Variants in FAM13B observed in about 807,000 individuals in gnomAD.
FAM13B encodes protein FAM13B.
In FAM13B, 60 loss-of-function variants were observed where a neutral mutation model predicts 117.3. That is an observed-to-expected ratio of 0.51 (90% CI 0.42 to 0.63). The LOEUF is 0.63. Ranked by LOEUF, FAM13B falls within the 30% of genes least tolerant of loss-of-function variation. The pLI is 0.00. For synonymous variants in FAM13B, 332 were observed against 356.1 expected (o/e 0.93, Z 0.76); for missense variants, 972 against 1,091.9 (o/e 0.89, Z 1.55).
chr5:137,988,715 A>AC (rs1561499914), intron 7 of FAM13B, among the ~76,000 whole-genome samples: 1 of 152,242 alleles, frequency 6.6e-6, no homozygotes, highest in Non-Finnish European at 1.5e-5. Context: ...TGGGTTGGGT[A>AC]CCCCAAAGCC....
chr5:138,012,554 T>C (rs953685155), intron 4 of FAM13B, among the ~76,000 whole-genome samples: 1 of 152,260 alleles, frequency 6.6e-6, no homozygotes, highest in Non-Finnish European at 1.5e-5. Context: ...AAATTCATGT[T>C]GGTTTCTGCT....
In FAM13B at chr5:137,953,477, C is replaced by T. The variant is rs1177343705; in HGVS notation, c.1719-12G>A. ...ATGATCTTCGAATTCTGAATTAAAA[C>T]AAAAGGCCAACACTGTTAAATTTTC... On this transcript the variant is annotated splice_polypyrimidine_tract_variant and intron_variant, in intron 15 of 23. Transcript: ENST00000689681. 3 of 1,612,818 alleles carry T rather than the reference C, an allele frequency of 1.9e-6. No individual in the cohort carries two copies. The Admixed American group carries it at 5.0e-5, about 27-fold the overall frequency.
chr5:137,977,068 G>A (rs1774236189), intron 10 of FAM13B, among the ~76,000 whole-genome samples: 1 of 152,172 alleles, frequency 6.6e-6, no homozygotes, highest in Non-Finnish European at 1.5e-5. Context: ...CTGAGAAAGA[G>A]AATGCACCCC....
upstream of FAM13B, chr5:138,033,087 G>A (rs1218566003): frequency 1.9e-5 from 19 of 985,596 alleles, no homozygotes; most frequent in Middle Eastern, 5.2e-4. Flanking sequence ...GCTGGCGGGC[G>A]GAGGCCGGGC....
chr5:138,052,131 G>A (rs188658072), upstream of FAM13B, among the ~76,000 whole-genome samples: 219 of 151,900 alleles, frequency 1.4e-3, 2 homozygotes, highest in Non-Finnish European at 2.1e-3. Flanking sequence ...CAGGCTGATG[G>A]CCTGACAAGT....
At chr5:137,941,833 C>T in intron 23 of FAM13B, 111 bp downstream of exon 23, 6 of 882,742 alleles carry the variant, frequency 6.8e-6, no homozygotes, top group Non-Finnish European at 1.1e-5. Flanking sequence ...TTTTTCAGTG[C>T]TAGCATCCTA....
chr5:137,947,587 CTTT>C (rs753491185), intron 18 of FAM13B, among the ~76,000 whole-genome samples: 3 of 145,670 alleles, frequency 2.1e-5, no homozygotes, highest in Non-Finnish European at 4.6e-5. Context: ...AAAAAAATTT[CTTT>C]TTTTTTTTTG....
chr5:137,949,962 C>CA (rs1268640447), intron 17 of FAM13B, among the ~76,000 whole-genome samples: 13 of 151,584 alleles, frequency 8.6e-5, no homozygotes, highest in Admixed American at 7.9e-4. Context: ...GACCCTGTCT[C>CA]AAAAAAACAC....
At chr5:137,968,357 C>T (rs1031146110) in intron 10 of FAM13B, among the ~76,000 whole-genome samples, 7 of 149,670 alleles carry the variant, frequency 4.7e-5, no homozygotes, top group Admixed American at 1.3e-4. Flanking sequence ...ATGAGACTCA[C>T]TTGAATCTGG....
At chr5:137,943,473 A>C (rs1225509230) in intron 20 of FAM13B, among the ~76,000 whole-genome samples, 1 of 152,220 alleles carries the variant, frequency 6.6e-6, no homozygotes, top group Non-Finnish European at 1.5e-5. Context: ...TGGGCCAGGC[A>C]CGGTGGCTAA....
chr5:138,014,581 T>C (rs1466853223), intron 4 of FAM13B, among the ~76,000 whole-genome samples: 2 of 152,234 alleles, frequency 1.3e-5, no homozygotes, highest in Non-Finnish European at 1.5e-5. Context: ...AGGTTGGGGA[T>C]TGCTGATCTA....
intron 1 of FAM13B, chr5:138,038,603 G>A (rs772320935): frequency 3.3e-5 from 5 of 152,188 alleles, no homozygotes; most frequent in Non-Finnish European, 7.3e-5. Context: ...CCAAGAAATG[G>A]AGTGGAAATC....
intron 1 of FAM13B, among the ~76,000 whole-genome samples, chr5:138,025,091 A>T (rs1288797005): frequency 1.3e-5 from 2 of 151,506 alleles, no homozygotes; most frequent in African/African-American, 4.9e-5. Flanking sequence ...CCAGGCTGGT[A>T]TCGAACTCCT....
intron 14 of FAM13B, among the ~76,000 whole-genome samples, chr5:137,955,788 T>C (rs2150243169): frequency 6.6e-6 from 1 of 152,148 alleles, no homozygotes; most frequent in Non-Finnish European, 1.5e-5. Flanking sequence ...CCTGCTACCA[T>C]GTTTGGCTAA....
chr5:137,998,432 C>T (rs1780379588), intron 7 of FAM13B, among the ~76,000 whole-genome samples: 3 of 152,172 alleles, frequency 2.0e-5, no homozygotes, highest in Admixed American at 2.0e-4. Flanking sequence ...GGGAAGTACT[C>T]ATAAAGCACT....
At chr5:138,014,978 A>AT (rs916936054) in intron 4 of FAM13B, among the ~76,000 whole-genome samples, 1 of 152,230 alleles carries the variant, frequency 6.6e-6, no homozygotes, top group African/African-American at 2.4e-5. Flanking sequence ...GTACTGTAAC[A>AT]TTTTTTGGAA....
intron 10 of FAM13B, among the ~76,000 whole-genome samples, chr5:137,976,045 C>T (rs552260786): frequency 9.1e-5 from 13 of 142,888 alleles, no homozygotes; most frequent in African/African-American, 2.1e-4. Flanking sequence ...GCGCGATCTC[C>T]GCCTCCCGGG....
intron 10 of FAM13B, among the ~76,000 whole-genome samples, chr5:137,965,572 T>C (rs929810618): frequency 3.3e-5 from 5 of 152,202 alleles, no homozygotes; most frequent in Non-Finnish European, 7.3e-5. Context: ...GTTACTTCTA[T>C]TAAATAGGCT....
Position 137,939,849 on chromosome 5 carries a change from AT to A in FAM13B, c.*375del. ...AATTCAGTATGAAGATTTTCCTCCA[AT>A]TTTCTTCAGTAATGAGAAACAAAAA... is the stretch of plus-strand genomic sequence containing the variant. On this transcript the variant is annotated 3_prime_UTR_variant, in exon 24 of 24. Transcript: ENST00000689681. 2.3e-6 allele frequency: 3 copies of A among 1,291,794 alleles called. No homozygotes were observed. The highest frequency in any genetic ancestry group is 2.9e-6 in the Non-Finnish European group (3 of 1,021,848). 80.0% of individuals were successfully genotyped at this position (1,291,794 alleles called of 1,614,324 possible). A position where few individuals can be genotyped will look rare whatever the true frequency, so the allele number is the denominator to read the frequency against.
Sources: allele counts gnomAD v4.1 joint callset (sites outside exome capture counted in the v4.1 genomes callset), GRCh38; gene constraint gnomAD v4.1.1; transcripts MANE v1.5; gene names NCBI Gene and HGNC (gene_info 2026-07-23, HGNC 2026-07-21).